PCED1B: variants seen among roughly 807,000 people sequenced by gnomAD.
The protein encoded by PCED1B is PC-esterase domain-containing protein 1B.
For synonymous variants in PCED1B, 251 were observed against 246.1 expected (o/e 1.02, Z -0.19); for missense variants, 573 against 573.9 (o/e 1.00, Z 0.02).
At chr12:47,129,757 C>G (rs1940046877) in intron 2 of PCED1B, among the ~76,000 whole-genome samples, 1 of 152,266 alleles carries the variant, frequency 6.6e-6, no homozygotes, top group South Asian at 2.1e-4. Flanking sequence ...TCACAAGGTA[C>G]AAAGGATGGA....
chr12:47,094,412 T>A (rs1171016807), intron 1 of PCED1B, among the ~76,000 whole-genome samples: 2 of 152,186 alleles, frequency 1.3e-5, no homozygotes, highest in East Asian at 3.8e-4. Flanking sequence ...GTGTAATCAC[T>A]GACATCATTG....
intron 2 of PCED1B, among the ~76,000 whole-genome samples, chr12:47,143,518 T>C (rs1940673728): frequency 6.6e-6 from 1 of 152,162 alleles, no homozygotes; most frequent in South Asian, 2.1e-4. Context: ...GGAATAAATT[T>C]AACCAAGGAG....
intron 2 of PCED1B, among the ~76,000 whole-genome samples, chr12:47,146,159 G>T (rs770047850): frequency 6.6e-6 from 1 of 152,160 alleles, no homozygotes; most frequent in South Asian, 2.1e-4. Flanking sequence ...CAGATGTAGC[G>T]CAAATAGCAA....
chr12:47,154,193 G>C (rs1941109381), intron 2 of PCED1B, among the ~76,000 whole-genome samples: 1 of 152,170 alleles, frequency 6.6e-6, no homozygotes, highest in Non-Finnish European at 1.5e-5. Context: ...CTTGTAAGGA[G>C]AGTGACATGG....
intron 2 of PCED1B, among the ~76,000 whole-genome samples, 156 bp downstream of exon 2, chr12:47,104,351 T>C (rs1008761479): frequency 6.6e-5 from 10 of 152,234 alleles, no homozygotes; most frequent in African/African-American, 2.2e-4. Flanking sequence ...CTTTTGACAC[T>C]AAAAGTTTTC....
intron 3 of PCED1B, among the ~76,000 whole-genome samples, 152 bp from the exon 4 acceptor site, chr12:47,234,855 G>A (rs969859776): frequency 6.6e-6 from 1 of 152,148 alleles, no homozygotes; most frequent in South Asian, 2.1e-4. Context: ...TCCGGGCTTG[G>A]TGGAGCCTGT....
intron 2 of PCED1B, among the ~76,000 whole-genome samples, chr12:47,141,877 G>C (rs1022260254): frequency 1.3e-5 from 2 of 152,092 alleles, no homozygotes; most frequent in African/African-American, 4.8e-5. Context: ...CAGTCCCAGG[G>C]CAGTCCTTCC....
chr12:47,231,728 T>C (rs1484049052), intron 3 of PCED1B, among the ~76,000 whole-genome samples: 1 of 152,214 alleles, frequency 6.6e-6, no homozygotes, highest in African/African-American at 2.4e-5. Flanking sequence ...GAAGTAACAC[T>C]GTAGCAGAGA....
chr12:47,165,161 C>A (rs1289872596), intron 2 of PCED1B, among the ~76,000 whole-genome samples: 1 of 152,176 alleles, frequency 6.6e-6, no homozygotes, highest in South Asian at 2.1e-4. Context: ...TCTTCTAAGT[C>A]CAAACTGTGG....
rs138111103 is a variant in PCED1B at position 47,080,367 on chromosome 12, C to A, written c.-609+642C>A. On this transcript the variant is annotated intron_variant, in intron 1 of 3. Coordinates refer to ENST00000546455, the MANE Select transcript of PCED1B (RefSeq NM_138371.3). ...TCTCCCCACCCAGGCCAAGGAATCC[C>A]CGGACCTCTTAGAGCTTTGCTTTGG... Among the ~76,000 whole-genome samples, 458 of 152,344 alleles carry A rather than the reference C, an allele frequency of 3.0e-3. 2 individuals are homozygous for A. The highest frequency in any genetic ancestry group is 4.7e-3 in the Non-Finnish European group (319 of 68,040).
At chr12:47,156,410 C>T (rs1941194458) in intron 2 of PCED1B, among the ~76,000 whole-genome samples, 1 of 152,132 alleles carries the variant, frequency 6.6e-6, no homozygotes, top group South Asian at 2.1e-4. Context: ...TCATTTTGCA[C>T]GATACTATTG....
chr12:47,151,176 G>T (rs1592206385), intron 2 of PCED1B, among the ~76,000 whole-genome samples: 1 of 151,294 alleles, frequency 6.6e-6, no homozygotes, highest in Non-Finnish European at 1.5e-5. Context: ...TAAATATACA[G>T]TCATAGGCTG....
intron 2 of PCED1B, among the ~76,000 whole-genome samples, chr12:47,118,716 A>C (rs1188173480): frequency 6.6e-6 from 1 of 152,140 alleles, no homozygotes; most frequent in Non-Finnish European, 1.5e-5. Context: ...AGTTTTTTCC[A>C]ATTCTGTGAA....
chr12:47,191,955 G>A (rs766382550), intron 2 of PCED1B, among the ~76,000 whole-genome samples: 6 of 152,044 alleles, frequency 3.9e-5, no homozygotes, highest in African/African-American at 1.2e-4. Context: ...CATGGCGCTT[G>A]CCACAGAAAT....
chr12:47,120,399 A>C (rs1246021243), intron 2 of PCED1B, among the ~76,000 whole-genome samples: 8 of 152,240 alleles, frequency 5.3e-5, no homozygotes, highest in Non-Finnish European at 1.2e-4. Context: ...TAGCAGTATT[A>C]TTTATAATAG....
intron 3 of PCED1B, among the ~76,000 whole-genome samples, chr12:47,226,668 C>T (rs1424194531): frequency 1.3e-5 from 2 of 152,192 alleles, no homozygotes; most frequent in Admixed American, 1.3e-4. Flanking sequence ...AGCCACTGCA[C>T]CTGGCCAAAA....
At chr12:47,175,569 T>C (rs1252342591) in intron 2 of PCED1B, among the ~76,000 whole-genome samples, 2 of 152,074 alleles carry the variant, frequency 1.3e-5, no homozygotes, top group Non-Finnish European at 2.9e-5. Flanking sequence ...TGTATGTATG[T>C]ATGTATGTAT....
intron 2 of PCED1B, among the ~76,000 whole-genome samples, chr12:47,167,870 C>G (rs151014530): frequency 4.8e-4 from 73 of 152,266 alleles, no homozygotes; most frequent in African/African-American, 1.8e-3. Context: ...AGTACCTGGG[C>G]AGGCCAACAT....
chr12:47,127,950 C>A (rs1211934732), intron 2 of PCED1B, among the ~76,000 whole-genome samples: 1 of 152,166 alleles, frequency 6.6e-6, no homozygotes. Flanking sequence ...TTCATTTTTG[C>A]ATTATGATAC....
Sources: allele counts gnomAD v4.1 joint callset (sites outside exome capture counted in the v4.1 genomes callset), GRCh38; gene constraint gnomAD v4.1.1; transcripts MANE v1.5; gene names NCBI Gene and HGNC (gene_info 2026-07-23, HGNC 2026-07-21).